COL28A1: variants seen among roughly 807,000 people sequenced by gnomAD.
The protein encoded by COL28A1 is collagen type XXVIII alpha 1 chain.
In COL28A1, 161 loss-of-function variants were observed where a neutral mutation model predicts 150.2. The ratio of observed to expected loss-of-function variants is 1.07; its 90% CI spans 0.94 to 1.22. The LOEUF (loss-of-function observed/expected upper bound fraction) is 1.22. COL28A1 is among the 50% of genes most tolerant of loss of function. COL28A1 has a pLI of 0.00. For missense variants in COL28A1, 1,617 were observed against 1,388.3 expected, an observed-to-expected ratio of 1.16 and a Z score of -2.62; for synonymous variants, 552 against 469.7, an observed-to-expected ratio of 1.18 and a Z score of -2.26.
rs777124030 is a variant in COL28A1 at position 7,444,518 on chromosome 7, C to G, written c.1510-29G>C. 6 of 1,606,842 alleles carry G rather than the reference C, an allele frequency of 3.7e-6. No homozygotes were observed. The East Asian group carries it at 1.1e-4, about 30-fold the overall frequency. On this transcript the variant is annotated intron_variant, in intron 18 of 34. Transcript: ENST00000399429. ...GTGAATGAACAAATATTTTATTTCC[C>G]TAAAGTTCATACCTCCATTCTGAGG...
intron 21 of COL28A1, among the ~76,000 whole-genome samples, chr7:7,440,204 T>C (rs1785660597): frequency 1.3e-5 from 2 of 152,198 alleles, no homozygotes; most frequent in South Asian, 4.1e-4. Flanking sequence ...CTACTTCCCA[T>C]TTCACCATAT....
At chr7:7,512,048 G>A (rs1170270175) in intron 8 of COL28A1, among the ~76,000 whole-genome samples, 6 of 152,128 alleles carry the variant, frequency 3.9e-5, no homozygotes, top group Non-Finnish European at 8.8e-5. Context: ...AAGAAATCCT[G>A]TCATTTGTAA....
At chr7:7,374,038 A>AATATATATAT (rs60964603) in intron 31 of COL28A1, among the ~76,000 whole-genome samples, 8 of 113,628 alleles carry the variant, frequency 7.0e-5, no homozygotes, top group African/African-American at 2.7e-4. Context: ...AAAAAAAAAA[A>AATATATATAT]ATATATATAT....
At chr7:7,364,354 C>G (rs922062243) in intron 33 of COL28A1, among the ~76,000 whole-genome samples, 31 of 152,190 alleles carry the variant, frequency 2.0e-4, no homozygotes, top group African/African-American at 1.9e-4. Context: ...CTCAGAAAAT[C>G]AGGGTAATGA....
intron 5 of COL28A1, among the ~76,000 whole-genome samples, chr7:7,521,428 A>T (rs751745276): frequency 2.7e-4 from 41 of 152,110 alleles, no homozygotes; most frequent in Non-Finnish European, 5.0e-4. Context: ...ACTCACCCTA[A>T]TCCCCCAAAG....
At chr7:7,431,426 C>T (rs1164999168) in intron 25 of COL28A1, 4 of 425,228 alleles carry the variant, frequency 9.4e-6, no homozygotes, top group African/African-American at 2.1e-5. Context: ...ACATGGAAAA[C>T]ATACAGAGGG....
intron 18 of COL28A1, among the ~76,000 whole-genome samples, chr7:7,444,925 G>A (rs1220441878): frequency 6.6e-6 from 1 of 152,044 alleles, no homozygotes; most frequent in South Asian, 2.1e-4. Flanking sequence ...TATGGGGGTG[G>A]ACCTCCCCCT....
At chr7:7,435,155 G>T (rs781729550) in intron 23 of COL28A1, among the ~76,000 whole-genome samples, 1 of 152,144 alleles carries the variant, frequency 6.6e-6, no homozygotes, top group South Asian at 2.1e-4. Context: ...GAAAACAGGT[G>T]AGGCCTATAA....
At chr7:7,407,292 C>T (rs532076872) in intron 27 of COL28A1, among the ~76,000 whole-genome samples, 1 of 151,882 alleles carries the variant, frequency 6.6e-6, no homozygotes, top group Non-Finnish European at 1.5e-5. Context: ...GAAAATATAA[C>T]ACAGAGAATT....
intron 30 of COL28A1, among the ~76,000 whole-genome samples, chr7:7,380,353 C>G (rs994152019): frequency 6.6e-6 from 1 of 152,136 alleles, no homozygotes; most frequent in Admixed American, 6.6e-5. Context: ...ATTTGGTAAT[C>G]TGGCTTTTTT....
chr7:7,341,849 C>CTTG, the COL28A1 span, among the ~76,000 whole-genome samples: 1 of 151,922 alleles, frequency 6.6e-6, no homozygotes, highest in African/African-American at 2.4e-5. Context: ...TTTTTATGGA[C>CTTG]CAGTATATGG....
At chr7:7,394,957 T>C (rs758348016) in intron 27 of COL28A1, among the ~76,000 whole-genome samples, 2 of 152,188 alleles carry the variant, frequency 1.3e-5, no homozygotes, top group Non-Finnish European at 2.9e-5. Flanking sequence ...ATTTCGGCAC[T>C]TGCTCATTGC....
Position 7,358,558 on chromosome 7 carries a change from C to G in COL28A1, c.*75G>C. The G allele has an allele frequency of 7.6e-7, 1 of 1,321,984 alleles. No individual in the cohort carries two copies. The allele number at this position is 1,321,984 out of a possible 1,614,324, so 81.9% of individuals were successfully genotyped here. A position where few individuals can be genotyped will look rare whatever the true frequency, so the allele number is the denominator to read the frequency against. On this transcript the variant is annotated 3_prime_UTR_variant, in exon 35 of 35. Coordinates refer to ENST00000399429, the MANE Select transcript of COL28A1 (RefSeq NM_001037763.3). ...ACTCAGTATACACTCAAATATAGTG[C>G]TGTATTTGTATTGGGTGAATATGTG... is the stretch of plus-strand genomic sequence containing the variant.
chr7:7,480,783 A>G (rs1583472219), intron 13 of COL28A1, among the ~76,000 whole-genome samples: 3 of 152,138 alleles, frequency 2.0e-5, no homozygotes, highest in African/African-American at 7.2e-5. Context: ...AGCTGACAAT[A>G]TTGCATAATA....
intron 32 of COL28A1, 59 bp downstream of exon 32, chr7:7,372,939 T>C: frequency 7.0e-7 from 1 of 1,438,268 alleles, no homozygotes. Context: ...AAACCAGTGA[T>C]ATGGTACTTA....
At chr7:7,383,690 A>ATATATATATGTATATATATATATATT (rs1782017428) in intron 27 of COL28A1, among the ~76,000 whole-genome samples, 1 of 136,768 alleles carries the variant, frequency 7.3e-6, no homozygotes. Flanking sequence ...GTGTATATAT[A>ATATATATATGTATATATATATATATT]TATATATATA....
chr7:7,494,388 T>G (rs1007788920), intron 11 of COL28A1, among the ~76,000 whole-genome samples: 1 of 152,154 alleles, frequency 6.6e-6, no homozygotes, highest in Non-Finnish European at 1.5e-5. Context: ...GAAAAAACCA[T>G]GGCTTTGAAT....
intron 23 of COL28A1, among the ~76,000 whole-genome samples, chr7:7,434,276 A>G (rs974285852): frequency 6.6e-6 from 1 of 152,232 alleles, no homozygotes; most frequent in African/African-American, 2.4e-5. Flanking sequence ...AAGGAAGCCC[A>G]TGGTCTTCAG....
chr7:7,526,187 C>T (rs1782014420), intron 3 of COL28A1, among the ~76,000 whole-genome samples: 2 of 152,222 alleles, frequency 1.3e-5, no homozygotes, highest in Non-Finnish European at 2.9e-5. Context: ...GCCTGTTATC[C>T]TGACATCCTT....
Sources: allele counts gnomAD v4.1 joint callset (sites outside exome capture counted in the v4.1 genomes callset), GRCh38; gene constraint gnomAD v4.1.1; transcripts MANE v1.5; gene names NCBI Gene and HGNC (gene_info 2026-07-23, HGNC 2026-07-21).